Variants in CHP1 observed in about 807,000 individuals in gnomAD.
CHP1 encodes the protein calcineurin like EF-hand protein 1, also known as calcineurin B homologous protein 1.
A neutral mutation model predicts 27.4 loss-of-function variants in CHP1; 11 were observed. The observed-to-expected ratio is 0.40, with a 90% CI of 0.25 to 0.67. The LOEUF is 0.67. Ranked by LOEUF, CHP1 falls within the 30% of genes least tolerant of loss-of-function variation. CHP1 has a pLI of 0.38. For missense variants in CHP1, 169 were observed against 251.3 expected (o/e 0.67, Z 2.22); for synonymous variants, 89 against 87.4 (o/e 1.02, Z -0.10).
At chr15:41,257,987 G>A (rs1034311836) in intron 3 of CHP1, among the ~76,000 whole-genome samples, 7 of 152,128 alleles carry the variant, frequency 4.6e-5, no homozygotes, top group South Asian at 2.1e-4. Flanking sequence ...ATTGAACAGC[G>A]CAGCTTGTAC....
intron 5 of CHP1, among the ~76,000 whole-genome samples, chr15:41,278,111 G>A (rs527944936): frequency 7.2e-5 from 11 of 152,074 alleles, no homozygotes; most frequent in South Asian, 2.1e-4. Flanking sequence ...AGCGGATCAC[G>A]AGGTCAGGAG....
intron 2 of CHP1, among the ~76,000 whole-genome samples, chr15:41,244,206 A>AC (rs1269077215): frequency 6.6e-6 from 1 of 150,946 alleles, no homozygotes; most frequent in African/African-American, 2.5e-5. Flanking sequence ...TAAAAAAAAA[A>AC]AAAAAAACAG....
intron 3 of CHP1, among the ~76,000 whole-genome samples, chr15:41,261,009 C>T (rs901064433): frequency 4.0e-5 from 6 of 150,986 alleles, no homozygotes; most frequent in African/African-American, 1.2e-4. Context: ...CTCAGCCTCC[C>T]AAATAACTGG....
intron 5 of CHP1, among the ~76,000 whole-genome samples, chr15:41,273,711 G>A (rs1405751494): frequency 2.6e-5 from 4 of 151,022 alleles, no homozygotes; most frequent in African/African-American, 9.7e-5. Context: ...AGAAGTCTTA[G>A]AAAATCAGAA....
chr15:41,243,272 C>T (rs1245998683), intron 1 of CHP1, among the ~76,000 whole-genome samples: 1 of 152,008 alleles, frequency 6.6e-6, no homozygotes, highest in Non-Finnish European at 1.5e-5. Flanking sequence ...ACCCGGGAGG[C>T]AGAGGTGGCA....
intron 5 of CHP1, among the ~76,000 whole-genome samples, chr15:41,273,991 C>T (rs751943911): frequency 4.6e-5 from 7 of 151,672 alleles, no homozygotes; most frequent in African/African-American, 1.7e-4. Flanking sequence ...GACGGAGTCT[C>T]GCTCTGTCGC....
intron 5 of CHP1, among the ~76,000 whole-genome samples, chr15:41,272,710 C>T (rs571788557): frequency 9.9e-5 from 15 of 152,168 alleles, no homozygotes; most frequent in Admixed American, 6.5e-4. Context: ...CGTGAGCCAC[C>T]GTACCCAGCC....
At chr15:41,247,336 T>A (rs1258335861) in intron 2 of CHP1, among the ~76,000 whole-genome samples, 1 of 149,588 alleles carries the variant, frequency 6.7e-6, no homozygotes, top group African/African-American at 2.5e-5. Context: ...AGCACTGCCC[T>A]GCACCCTGGG....
At chr15:41,279,047 C>G (rs1424125968) in intron 6 of CHP1, among the ~76,000 whole-genome samples, 158 bp downstream of exon 6, 2 of 152,048 alleles carry the variant, frequency 1.3e-5, no homozygotes, top group African/African-American at 4.8e-5. Flanking sequence ...CTCATCTGTA[C>G]TAAAAATACA....
Position 41,279,354 on chromosome 15 carries a change from G to A in CHP1, c.553G>A (p.Val185Ile), listed in dbSNP as rs754399682. The change falls in exon 7 of 7, where the codon GTA becomes ATA. Residue 185 changes from valine (V) to isoleucine (I), a missense_variant. Coordinates refer to ENST00000334660, the MANE Select transcript of CHP1 (RefSeq NM_007236.5). ...EFVKVLEKVD[V>I]EQKMSIRFLH is the part of the protein sequence containing the mutation. ...CCCCCAGGTTTTGGAGAAGGTGGAT[G>A]TAGAACAGAAAATGAGCATCCGATT... 6.2e-6 allele frequency: 10 copies of A among 1,613,620 alleles called. No individual in the cohort carries two copies. The highest frequency in any genetic ancestry group is 2.2e-5 in the East Asian group (1 of 44,896).
chr15:41,244,873 A>G (rs180775504), intron 2 of CHP1, among the ~76,000 whole-genome samples: 7 of 152,264 alleles, frequency 4.6e-5, no homozygotes, highest in African/African-American at 9.6e-5. Context: ...TTTGATTGGC[A>G]TGTAATGAAG....
At chr15:41,252,239 G>C (rs185210670) in intron 2 of CHP1, among the ~76,000 whole-genome samples, 94 of 150,280 alleles carry the variant, frequency 6.3e-4, no homozygotes, top group African/African-American at 2.3e-3. Context: ...GTACAATCTT[G>C]GCTGACTGCA....
At chr15:41,244,166 C>T (rs1336706508) in intron 2 of CHP1, among the ~76,000 whole-genome samples, 1 of 150,242 alleles carries the variant, frequency 6.7e-6, no homozygotes, top group East Asian at 1.9e-4. Flanking sequence ...CCACTGCACT[C>T]CAGCCTCGGC....
chr15:41,265,305 A>G (rs1423098119), intron 4 of CHP1, among the ~76,000 whole-genome samples: 1 of 139,038 alleles, frequency 7.2e-6, no homozygotes, highest in Non-Finnish European at 1.5e-5. Flanking sequence ...TGGAGGCTAC[A>G]GTGAGCCGAG....
At chr15:41,274,426 T>A (rs1029555446) in intron 5 of CHP1, among the ~76,000 whole-genome samples, 1 of 152,002 alleles carries the variant, frequency 6.6e-6, no homozygotes, top group African/African-American at 2.4e-5. Context: ...TGAGATAACC[T>A]TTTTTTTCTT....
In CHP1 at chr15:41,231,277, A is replaced by G; in HGVS notation, c.-106A>G. ...TCCCTCCCGGGTCCGCAGTGGAAAC[A>G]CTGCCCTCTCCCTTCTTGACCCCTA... On this transcript the variant is annotated 5_prime_UTR_variant, in exon 1 of 7. Transcript: ENST00000334660. The G allele has an allele frequency of 8.6e-7, 1 of 1,162,344 alleles. No homozygotes were observed. The allele number at this position is 1,162,344 out of a possible 1,614,324, so 72.0% of individuals were successfully genotyped here.
chr15:41,279,365 A>C lies in CHP1; in HGVS notation c.564A>C (p.Lys188Asn). 1 of 1,613,546 alleles carries C rather than the reference A, an allele frequency of 6.2e-7. No homozygotes were observed. Among genetic ancestry groups the C allele is most frequent in the East Asian group, 2.2e-5 (1 of 44,884 alleles). ...TGGAGAAGGTGGATGTAGAACAGAA[A>C]ATGAGCATCCGATTTCTTCACTAAA... The part of the protein sequence containing the change: ...KVLEKVDVEQ[K>N]MSIRFLH Residue 188 changes from lysine (K) to asparagine (N), a missense_variant, in exon 7 of 7, where the codon AAA becomes AAC. Transcript: ENST00000334660.
intron 2 of CHP1, among the ~76,000 whole-genome samples, chr15:41,249,473 T>C (rs2047353220): frequency 7.5e-6 from 1 of 133,462 alleles, no homozygotes; most frequent in East Asian, 2.1e-4. Flanking sequence ...TTTTTTTTTT[T>C]TTTTTTTTTT....
At position 41,262,647 on chromosome 15, in the gene CHP1, A is replaced by C. The variant is rs758043487; in HGVS notation, c.222-109A>C. On this transcript the variant is annotated intron_variant, in intron 3 of 6. Transcript: ENST00000334660. The stretch of plus-strand genomic sequence containing the variant: ...CATGCGTATGGAAAGAAACCTCATT[A>C]AATGACCTTTCAGGCTACCGTAGCT... The C allele has an allele frequency of 5.4e-4, 755 of 1,387,548 alleles. 1 individual carries two copies. The highest frequency in any genetic ancestry group is 6.9e-4 in the Non-Finnish European group (691 of 1,000,258). The allele number at this position is 1,387,548 out of a possible 1,614,324, so 86.0% of individuals were successfully genotyped here. A position where few individuals can be genotyped will look rare whatever the true frequency, so the allele number is the denominator to read the frequency against.
Sources: allele counts gnomAD v4.1 joint callset (sites outside exome capture counted in the v4.1 genomes callset), GRCh38; gene constraint gnomAD v4.1.1; transcripts MANE v1.5; gene names NCBI Gene and HGNC (gene_info 2026-07-23, HGNC 2026-07-21).